Variants in PDZRN3 observed in about 807,000 individuals in gnomAD.
PDZRN3 encodes E3 ubiquitin-protein ligase PDZRN3.
A neutral mutation model predicts 85.7 loss-of-function variants in PDZRN3; 38 were observed. The ratio of observed to expected loss-of-function variants is 0.44; its 90% CI spans 0.34 to 0.58. The LOEUF (loss-of-function observed/expected upper bound fraction) is 0.58. Among genes scored for constraint, PDZRN3 ranks in the 20% least tolerant of loss-of-function variants. The pLI, the probability that PDZRN3 is intolerant of heterozygous loss-of-function variation, is 0.01. For missense variants in PDZRN3, 1,629 were observed against 1,506.4 expected (o/e 1.08, Z -1.35); for synonymous variants, 759 against 638.0 (o/e 1.19, Z -2.86).
chr3:73,544,732 C>T (rs1701382664), intron 3 of PDZRN3, among the ~76,000 whole-genome samples: 1 of 151,532 alleles, frequency 6.6e-6, no homozygotes. Flanking sequence ...TGATGAGATG[C>T]CCTGGCATTT....
At chr3:73,570,505 T>G (rs1702030185) in intron 3 of PDZRN3, among the ~76,000 whole-genome samples, 1 of 152,204 alleles carries the variant, frequency 6.6e-6, no homozygotes, top group African/African-American at 2.4e-5. Context: ...CCCAGATATG[T>G]AATAAATGCG....
chr3:73,609,073 T>C (rs1009595008), intron 1 of PDZRN3, among the ~76,000 whole-genome samples: 1 of 152,136 alleles, frequency 6.6e-6, no homozygotes, highest in African/African-American at 2.4e-5. Flanking sequence ...GCAGCATTCA[T>C]GTCATGTCAT....
intron 3 of PDZRN3, among the ~76,000 whole-genome samples, chr3:73,449,520 A>G (rs1702815822): frequency 1.3e-5 from 2 of 152,368 alleles, no homozygotes; most frequent in South Asian, 4.1e-4. Context: ...TTTCTGAATC[A>G]TGATGAGGAC....
chr3:73,491,143 G>A (rs999968508), intron 3 of PDZRN3, among the ~76,000 whole-genome samples: 14 of 152,218 alleles, frequency 9.2e-5, no homozygotes, highest in Non-Finnish European at 2.9e-5. Flanking sequence ...CTTGTACCAC[G>A]CAAGCTCCTG....
intron 3 of PDZRN3, among the ~76,000 whole-genome samples, chr3:73,437,549 G>A (rs954672871): frequency 2.0e-5 from 3 of 152,184 alleles, no homozygotes; most frequent in Admixed American, 1.3e-4. Flanking sequence ...TGAGTCTGGT[G>A]TCTAAGAGCC....
chr3:73,538,674 G>A (rs1704846484), intron 3 of PDZRN3, among the ~76,000 whole-genome samples: 3 of 152,070 alleles, frequency 2.0e-5, no homozygotes, highest in African/African-American at 7.2e-5. Flanking sequence ...TAGCAATATA[G>A]AGCACTTAAG....
Position 73,384,019 on chromosome 3 carries a change from G to C in PDZRN3, c.2547C>G (p.Pro849=). ...CGCTGCCCAGCTTCTGGCTGGGCGT[G>C]GGGCTCCGGCTCCCGTCGCTGGCTC... is the stretch of plus-strand genomic sequence containing the variant. ...ERRASDGSRS[P]TPSQKLGSAY... Residue 849 remains proline (P), a synonymous_variant, in exon 10 of 10, where the codon CCC becomes CCG. Transcript: ENST00000263666. 1 of 1,591,994 alleles carries C rather than the reference G, an allele frequency of 6.3e-7. No homozygotes were observed. The highest frequency in any genetic ancestry group is 8.5e-7 in the Non-Finnish European group (1 of 1,170,864).
intron 3 of PDZRN3, chr3:73,569,016 T>C (rs1005762721): frequency 9.5e-6 from 4 of 420,584 alleles, no homozygotes; most frequent in African/African-American, 8.2e-5. Context: ...GTAGGTATCA[T>C]TATTCCCATT....
intron 2 of PDZRN3, among the ~76,000 whole-genome samples, chr3:73,604,415 G>A (rs1702563666): frequency 6.6e-6 from 1 of 152,182 alleles, no homozygotes; most frequent in Non-Finnish European, 1.5e-5. Flanking sequence ...CTGAGACTGA[G>A]AGAGGTTCGG....
At chr3:73,613,897 C>T (rs1265533476) in intron 1 of PDZRN3, among the ~76,000 whole-genome samples, 1 of 152,056 alleles carries the variant, frequency 6.6e-6, no homozygotes, top group Non-Finnish European at 1.5e-5. Context: ...CAGGATCTCC[C>T]TGGGAGAAGC....
In PDZRN3 at chr3:73,600,518, C is replaced by T. The variant is rs916780086; in HGVS notation, c.918+1836G>A. On this transcript the variant is annotated intron_variant, in intron 3 of 9. Transcript: ENST00000263666. ...CACAGTGTTGTCAATTGCAATTATA[C>T]ATATATCGTTTCTCTATTGTGGTCA... Among the ~76,000 whole-genome samples the T allele has an allele frequency of 7.2e-5, 11 of 152,122 alleles. No individual in the cohort carries two copies. In the East Asian group the frequency reaches 2.1e-3, roughly 29 times the overall value.
intron 6 of PDZRN3, 145 bp from the exon 7 acceptor site, chr3:73,390,023 C>A: frequency 1.5e-6 from 1 of 674,470 alleles, no homozygotes; most frequent in Non-Finnish European, 2.7e-6. Context: ...TAGTGTCGTG[C>A]AAGGAGAGGC....
At chr3:73,593,094 TA>T (rs59357529) in intron 3 of PDZRN3, among the ~76,000 whole-genome samples, 52,229 of 146,124 alleles carry the variant, frequency 0.36, 10,649 homozygotes, top group East Asian at 0.51. Flanking sequence ...AAAACTTCCT[TA>T]AAAAAAAAAA....
intron 1 of PDZRN3, among the ~76,000 whole-genome samples, chr3:73,622,774 CTCTGAG>C (rs1256059190): frequency 6.6e-6 from 1 of 152,204 alleles, no homozygotes; most frequent in African/African-American, 2.4e-5. Context: ...TATATAACTT[CTCTGAG>C]TCTGTTCCCT....
At chr3:73,465,875 T>C (rs2106874830) in intron 3 of PDZRN3, among the ~76,000 whole-genome samples, 1 of 152,234 alleles carries the variant, frequency 6.6e-6, no homozygotes, top group East Asian at 1.9e-4. Context: ...ACATTGAATG[T>C]TTTAAGCAAA....
chr3:73,489,175 T>G (rs1478021597), intron 3 of PDZRN3, among the ~76,000 whole-genome samples: 2 of 152,200 alleles, frequency 1.3e-5, no homozygotes, highest in East Asian at 3.8e-4. Flanking sequence ...GGGTGCAGCT[T>G]CTTCCACTTG....
At chr3:73,611,233 C>A (rs928606302) in intron 1 of PDZRN3, among the ~76,000 whole-genome samples, 5 of 152,178 alleles carry the variant, frequency 3.3e-5, no homozygotes, top group Admixed American at 2.0e-4. Context: ...ACCCAGGAGG[C>A]CAGTATCAGA....
chr3:73,541,806 T>C (rs1704927850), intron 3 of PDZRN3, among the ~76,000 whole-genome samples: 1 of 152,248 alleles, frequency 6.6e-6, no homozygotes, highest in African/African-American at 2.4e-5. Flanking sequence ...TAGCTCAATG[T>C]ATTGCACAGG....
chr3:73,464,497 A>T (rs1424947777), intron 3 of PDZRN3, among the ~76,000 whole-genome samples: 1 of 152,184 alleles, frequency 6.6e-6, no homozygotes, highest in Non-Finnish European at 1.5e-5. Flanking sequence ...TAAGCTCTAA[A>T]CTCTGCTAAG....
Sources: allele counts gnomAD v4.1 joint callset (sites outside exome capture counted in the v4.1 genomes callset), GRCh38; gene constraint gnomAD v4.1.1; transcripts MANE v1.5; gene names NCBI Gene and HGNC (gene_info 2026-07-23, HGNC 2026-07-21).